AFF2: variants seen among roughly 807,000 people sequenced by gnomAD.
AFF2 encodes the protein ALF transcription elongation factor 2.
Under a neutral mutation model 76.9 loss-of-function variants are expected in AFF2, and 14 were observed. The ratio of observed to expected loss-of-function variants is 0.18; its 90% CI spans 0.12 to 0.28. The LOEUF (loss-of-function observed/expected upper bound fraction) is 0.28, where lower values mean the gene tolerates loss of function less well. Ranked by LOEUF, AFF2 falls within the 10% of genes least tolerant of loss-of-function variation. The probability of loss-of-function intolerance (pLI) is 1.00; values close to 1 mark genes in which losing one functional copy is unlikely to be tolerated. For synonymous variants in AFF2, 398 were observed against 366.7 expected (o/e 1.09, Z -0.98); for missense variants, 868 against 1,001.1 (o/e 0.87, Z 1.79).
At chrX:148,932,857 T>C (rs940772131) in intron 9 of AFF2, among the ~76,000 whole-genome samples, 3 of 112,633 alleles carry the variant, frequency 2.7e-5, no homozygotes, top group Non-Finnish European at 5.6e-5. Flanking sequence ...TGCCTACTAG[T>C]TCTCAGGGAC....
chrX:148,747,966 G>T (rs1464673814), intron 3 of AFF2, among the ~76,000 whole-genome samples: 2 of 111,965 alleles, frequency 1.8e-5, no homozygotes, highest in Admixed American at 1.9e-4. Context: ...ATCTGCTTAA[G>T]TTAGAAATGG....
intron 1 of AFF2, among the ~76,000 whole-genome samples, chrX:148,647,286 C>A (rs1301900208): frequency 8.9e-6 from 1 of 112,334 alleles, no homozygotes; most frequent in Non-Finnish European, 1.9e-5. Context: ...TCATGTACAC[C>A]ATTACTACAG....
intron 7 of AFF2, among the ~76,000 whole-genome samples, chrX:148,883,845 G>A (rs1017494612): frequency 5.4e-5 from 6 of 110,953 alleles, no homozygotes; most frequent in Non-Finnish European, 1.1e-4. Flanking sequence ...ACCAAATTCC[G>A]TGCTGCTGGT....
intron 3 of AFF2, among the ~76,000 whole-genome samples, chrX:148,680,782 G>A (rs1177787960): frequency 9.0e-6 from 1 of 111,318 alleles, no homozygotes; most frequent in Non-Finnish European, 1.9e-5. Context: ...GGTGCATGCT[G>A]GCAGGTGGAT....
intron 1 of AFF2, among the ~76,000 whole-genome samples, chrX:148,560,832 T>C (rs2053103912): frequency 9.0e-6 from 1 of 111,187 alleles, no homozygotes; most frequent in African/African-American, 3.3e-5. Flanking sequence ...TGACAGTTTT[T>C]TTCTGGGGGG....
At chrX:148,884,086 T>A (rs184138340) in intron 7 of AFF2, among the ~76,000 whole-genome samples, 2 of 112,159 alleles carry the variant, frequency 1.8e-5, no homozygotes, top group Admixed American at 1.9e-4. Flanking sequence ...AATGATACAG[T>A]CTTCATTTCC....
intron 9 of AFF2, among the ~76,000 whole-genome samples, chrX:148,933,485 G>T (rs1397200910): frequency 1.8e-5 from 2 of 111,782 alleles, no homozygotes; most frequent in Non-Finnish European, 3.8e-5. Flanking sequence ...GGTAGAAACA[G>T]AGAGAACAGT....
At chrX:148,871,969 T>C (rs1175522151) in intron 7 of AFF2, among the ~76,000 whole-genome samples, 2 of 111,468 alleles carry the variant, frequency 1.8e-5, no homozygotes, top group South Asian at 7.7e-4. Flanking sequence ...TGTCTAGGAA[T>C]GCATTGGAGA....
intron 1 of AFF2, among the ~76,000 whole-genome samples, chrX:148,539,812 G>A (rs1253561752): frequency 9.0e-6 from 1 of 111,190 alleles, no homozygotes; most frequent in African/African-American, 3.3e-5. Context: ...GCCCTACTAA[G>A]CCCTACTTAG....
At chrX:148,790,902 G>A (rs782119752) in intron 3 of AFF2, among the ~76,000 whole-genome samples, 25 of 111,978 alleles carry the variant, frequency 2.2e-4, no homozygotes, top group Non-Finnish European at 3.9e-4. Flanking sequence ...CAAGGTCTAT[G>A]CACTTTGAAA....
Position 148,661,901 on chromosome X carries a change from AT to A in AFF2, c.181-3del. 1.4e-5 allele frequency: 16 copies of A among 1,183,103 alleles called. No individual in the cohort carries two copies. The highest frequency in any genetic ancestry group is 1.8e-5 in the Non-Finnish European group (16 of 881,264). On this transcript the variant is annotated splice_region_variant and splice_polypyrimidine_tract_variant and intron_variant, in intron 2 of 20. Transcript: ENST00000370460. ...CTCCTCCCACCCCCATCTTTTTGTT[AT>A]TTTAGACAAACAAAGGTGATGCACT...
intron 5 of AFF2, among the ~76,000 whole-genome samples, chrX:148,841,296 G>T (rs1370575318): frequency 8.9e-6 from 1 of 111,869 alleles, no homozygotes; most frequent in East Asian, 2.8e-4. Context: ...TAGTTACAGA[G>T]ATATACATGG....
At chrX:148,658,323 C>T (rs1204479648) in intron 2 of AFF2, among the ~76,000 whole-genome samples, 1 of 112,155 alleles carries the variant, frequency 8.9e-6, no homozygotes, top group Non-Finnish European at 1.9e-5. Flanking sequence ...TGAACTCAAC[C>T]TTGAACTGTG....
intron 1 of AFF2, among the ~76,000 whole-genome samples, chrX:148,642,667 G>A (rs58094245): frequency 0.046 from 5,132 of 111,948 alleles, 307 homozygotes; most frequent in African/African-American, 0.16. Flanking sequence ...CAGGACAAGG[G>A]CTCATCAAGA....
intron 8 of AFF2, among the ~76,000 whole-genome samples, chrX:148,897,238 T>A (rs1425084031): frequency 4.0e-5 from 1 of 25,288 alleles, no homozygotes; most frequent in African/African-American, 1.7e-4. Flanking sequence ...TATATATATA[T>A]ATATATATAT....
At chrX:148,687,317 C>A (rs782211233) in intron 3 of AFF2, among the ~76,000 whole-genome samples, 2 of 111,971 alleles carry the variant, frequency 1.8e-5, no homozygotes, top group East Asian at 5.6e-4. Context: ...AGATTTATTT[C>A]AATTTTTTTA....
rs1557284827 is a variant in AFF2 at position 148,934,816 on chromosome X, CCAT to C, written c.1398-18748_1398-18746del. Among the ~76,000 whole-genome samples, 3 of 104,114 alleles carry C rather than the reference CCAT, an allele frequency of 2.9e-5. No homozygotes were observed. In the Admixed American group the frequency reaches 2.9e-4, roughly 10 times the overall value. 90.4% of individuals were successfully genotyped at this position (104,114 alleles called of 115,157 possible). A position where few individuals can be genotyped will look rare whatever the true frequency, so the allele number is the denominator to read the frequency against. On this transcript the variant is annotated intron_variant, in intron 9 of 20. Transcript: ENST00000370460. ...AAAGTAGCTATCACCATCACCATCA[CCAT>C]CATCATCATCATCATTGTTATTAAC...
At chrX:148,574,173 G>A (rs1263170942) in intron 1 of AFF2, among the ~76,000 whole-genome samples, 2 of 111,378 alleles carry the variant, frequency 1.8e-5, no homozygotes, top group African/African-American at 6.5e-5. Flanking sequence ...TATTGTCTGA[G>A]TCATGGAAAT....
At chrX:148,553,855 C>T (rs782410619) in intron 1 of AFF2, among the ~76,000 whole-genome samples, 6 of 112,270 alleles carry the variant, frequency 5.3e-5, no homozygotes, top group Non-Finnish European at 1.1e-4. Flanking sequence ...CCTGGAAGAA[C>T]TTATAAGTCA....
Sources: gnomAD v4.1 joint callset for allele counts (sites outside exome capture counted in the v4.1 genomes callset) on GRCh38, gnomAD v4.1.1 for gene constraint, MANE v1.5 for transcripts, NCBI Gene and HGNC (gene_info 2026-07-23, HGNC 2026-07-21) for gene names.